Variants in IGSF9 observed in about 807,000 individuals in gnomAD.
IGSF9 encodes immunoglobulin superfamily member 9.
Under a neutral mutation model 121.7 loss-of-function variants are expected in IGSF9, and 87 were observed. That is an observed-to-expected ratio of 0.71 (90% confidence interval 0.60 to 0.85). The LOEUF is 0.85. Among genes scored for constraint, IGSF9 ranks in the 40% least tolerant of loss-of-function variants. The pLI, the probability that IGSF9 is intolerant of heterozygous loss-of-function variation, is 0.00. For missense variants in IGSF9, 1,462 were observed against 1,565.3 expected (o/e 0.93, Z 1.11); for synonymous variants, 640 against 648.4 (o/e 0.99, Z 0.20).
chr1:159,930,421 G>T lies in IGSF9; in HGVS notation c.1832C>A (p.Ala611Asp). Residue 611 changes from alanine (A) to aspartate (D), a missense_variant, in exon 15 of 21, where the codon GCT (alanine) becomes GAT (aspartate). Transcript: ENST00000368094. ...SAPEGLPTTP[A>D]APGLPPTEIP... is the part of the protein sequence containing the mutation. ...CTCTGTTGGGGGAAGCCCGGGTGCA[G>T]CTGGCGTGGTAGGAAGCCCTGCGTG... The T allele has an allele frequency of 6.5e-7, 1 of 1,542,750 alleles. No homozygotes were observed.
At position 159,934,001 on chromosome 1, in the gene IGSF9, A is replaced by G. The variant is rs775799023; in HGVS notation, c.1104+189T>C. 9 of 652,108 alleles carry G rather than the reference A, an allele frequency of 1.4e-5. No homozygotes were observed. In the Admixed American group the frequency reaches 1.5e-4, roughly 11 times the overall value. The allele number at this position is 652,108 out of a possible 1,614,324, so 40.4% of individuals were successfully genotyped here. Reference sequence around the variant, plus strand: ...AGAAGACACAAAACCACCACTTTAAACCATGGAAATTTTTCCTCAGGGGTT... The same window carrying G: ...AGAAGACACAAAACCACCACTTTAAGCCATGGAAATTTTTCCTCAGGGGTT... On this transcript the variant is annotated intron_variant, in intron 9 of 20. Transcript: ENST00000368094.
At position 159,929,643 on chromosome 1, in the gene IGSF9, C is replaced by T. The variant is rs929343194; in HGVS notation, c.2321G>A (p.Arg774His). The change falls in exon 17 of 21, where the codon CGC becomes CAC. Residue 774 changes from arginine (R) to histidine (H), a missense_variant. Arg to His is a conservative substitution (Grantham distance 29). Transcript: ENST00000368094. ...CTGAGGGTGGAGGGACTTACCTTGG[C>T]GGAGGCGCTTGCGGCGGCGGCGGGC... is the stretch of plus-strand genomic sequence containing the variant. ...RAARRRRKRL[R>H]QDPPLIFSPT... is the part of the protein sequence containing the mutation. 1.9e-5 allele frequency: 31 copies of T among 1,594,226 alleles called. No individual in the cohort carries two copies. Among genetic ancestry groups the T allele is most frequent in the Non-Finnish European group, 2.6e-5 (30 of 1,171,712 alleles).
chr1:159,927,725 G>A (rs376658174), intron 20 of IGSF9, 35 bp downstream of exon 20: 5 of 1,606,504 alleles, frequency 3.1e-6, no homozygotes, highest in Non-Finnish European at 4.2e-6. Context: ...GGACAGTATG[G>A]CCGAGATGCC....
Position 159,932,751 on chromosome 1 carries a change from T to G in IGSF9, c.1105-99A>C. ...GGGGGCAGGATGAGAAACCCACAGC[T>G]GTGCAGAAGACTCCAGCAGCTCCAT... On this transcript the variant is annotated intron_variant, in intron 9 of 20. Coordinates refer to ENST00000368094, the MANE Select transcript of IGSF9 (RefSeq NM_001135050.2). This position sits in a 1 kb window ranked among gnomAD's most constrained non-coding sequence, Gnocchi z 4.1. The G allele has an allele frequency of 8.3e-7, 1 of 1,204,938 alleles. No homozygotes were observed. The highest frequency in any genetic ancestry group is 1.1e-6 in the Non-Finnish European group (1 of 871,532). The allele number at this position is 1,204,938 out of a possible 1,614,324, so 74.6% of individuals were successfully genotyped here.
rs1651026240 is a variant in IGSF9 at position 159,932,269 on chromosome 1, T to A, written c.1245+243A>T. The stretch of plus-strand genomic sequence containing the variant: ...CAGCACGGTCAAGGTTAGTGAGAGT[T>A]GGGGCAAACAGGATATCTTACTTCT... On this transcript the variant is annotated intron_variant, in intron 10 of 20. Coordinates refer to ENST00000368094, the MANE Select transcript of IGSF9 (RefSeq NM_001135050.2). This position sits in a 1 kb window ranked among gnomAD's most constrained non-coding sequence, Gnocchi z 4.1. 1 of 587,146 alleles carries A rather than the reference T, an allele frequency of 1.7e-6. No homozygotes were observed. The highest frequency in any genetic ancestry group is 1.9e-5 in the African/African-American group (1 of 53,154). 36.4% of individuals were successfully genotyped at this position (587,146 alleles called of 1,614,324 possible).
chr1:159,928,533 G>A lies in IGSF9; in HGVS notation c.2855C>T (p.Pro952Leu). 1 of 1,557,728 alleles carries A rather than the reference G, an allele frequency of 6.4e-7. No homozygotes were observed. Among genetic ancestry groups the A allele is most frequent in the Non-Finnish European group, 8.7e-7 (1 of 1,150,242 alleles). ...PPLEEPSPAAPPDYMDTRRCP... is the reference protein window; with the variant it reads ...PPLEEPSPAALPDYMDTRRCP... Reference sequence around the variant, plus strand: ...GCGCCGGGTATCCATGTAATCTGGGGGTGCAGCAGGGCTGGGCTCCTCAAG... The same window carrying A: ...GCGCCGGGTATCCATGTAATCTGGGAGTGCAGCAGGGCTGGGCTCCTCAAG... Residue 952 changes from proline (P) to leucine (L), a missense_variant, in exon 19 of 21, where the codon CCC (proline) becomes CTC (leucine). By Grantham distance (98) the Pro-to-Leu change is moderately conservative (BLOSUM62 -3). Transcript: ENST00000368094.
Position 159,931,326 on chromosome 1 carries a change from C to T in IGSF9, c.1514-65G>A. On this transcript the variant is annotated intron_variant, in intron 12 of 20. Transcript: ENST00000368094. This position sits in a 1 kb window ranked among gnomAD's most constrained non-coding sequence, Gnocchi z 4.8. ...AGGGAGTGTACAGAGTAGCAGGGGCCCCAGGGCCACTGACCTTCACCCATC... is the reference window on the plus strand; with the variant it reads ...AGGGAGTGTACAGAGTAGCAGGGGCTCCAGGGCCACTGACCTTCACCCATC... 5 of 1,606,732 alleles carry T rather than the reference C, an allele frequency of 3.1e-6. No homozygotes were observed. Among genetic ancestry groups the T allele is most frequent in the Admixed American group, 1.7e-5 (1 of 59,612 alleles).
At position 159,936,868 on chromosome 1, in the gene IGSF9, T is replaced by C. The variant is rs781127163; in HGVS notation, c.441A>G (p.Glu147=). Residue 147 remains glutamate, a synonymous_variant, in exon 5 of 21, where the codon GAA becomes GAG. Transcript: ENST00000368094. ...QFQETPPAVL[E]VQELEPVTLR... is the part of the protein sequence containing the mutation. ...GGGTCACAGGCTCCAGTTCCTGCACTTCCAACACAGCAGGAGGTGTCTCCT... is the reference window on the plus strand; with the variant it reads ...GGGTCACAGGCTCCAGTTCCTGCACCTCCAACACAGCAGGAGGTGTCTCCT... The C allele has an allele frequency of 6.2e-7, 1 of 1,614,230 alleles. No homozygotes were observed. The highest frequency in any genetic ancestry group is 1.1e-5 in the South Asian group (1 of 91,088).
chr1:159,928,897 G>C lies in IGSF9; in HGVS notation c.2491C>G (p.Pro831Ala), dbSNP rs1389292749. Residue 831 changes from proline to alanine, a missense_variant, in exon 19 of 21, where the codon CCG becomes GCG. Pro to Ala is a conservative substitution (Grantham distance 27, BLOSUM62 -1). Coordinates refer to ENST00000368094, the MANE Select transcript of IGSF9 (RefSeq NM_001135050.2). The part of the protein sequence containing the change: ...GDPAGTPSPH[P>A]DPPSSRGPLP... ...GGTCCCCGGCTAGATGGAGGATCCG[G>C]GTGGGGGCTGGGAGTTCCGGCAGGA... 2 of 1,594,800 alleles carry C rather than the reference G, an allele frequency of 1.3e-6. No individual in the cohort carries two copies. Among genetic ancestry groups the C allele is most frequent in the Non-Finnish European group, 1.7e-6 (2 of 1,171,274 alleles).
intron 3 of IGSF9, among the ~76,000 whole-genome samples, chr1:159,942,417 A>G (rs1320570): frequency 0.89 from 135,128 of 152,148 alleles, 61,498 homozygotes; most frequent in East Asian, 1. Flanking sequence ...TCAGAAGCAG[A>G]CTGAGTGTCC....
intron 6 of IGSF9, 88 bp from the exon 7 acceptor site, chr1:159,934,910 G>A: frequency 6.7e-7 from 1 of 1,502,176 alleles, no homozygotes; most frequent in Non-Finnish European, 9.1e-7. Context: ...TCCCAGCTCT[G>A]CTCTCTGGAA....
chr1:159,931,912 A>G lies in IGSF9; in HGVS notation c.1262T>C (p.Ile421Thr), dbSNP rs760171676. ...GAAATATTCTTCCTTGGGCCGCTCTATAAAAGCTGGGGGAGCCTGCAAGCC... is the reference window on the plus strand; with the variant it reads ...GAAATATTCTTCCTTGGGCCGCTCTGTAAAAGCTGGGGGAGCCTGCAAGCC... ...RVLLKAPPAF[I>T]ERPKEEYFQE... The change falls in exon 11 of 21, where the codon ATA becomes ACA. Residue 421 changes from isoleucine (I) to threonine (T), a missense_variant. Physicochemically the swap from Ile to Thr is moderately conservative, Grantham distance 89. This residue lies in a region of IGSF9 where 558 missense variants were observed against 599.4 expected (regional missense o/e 0.93). Coordinates refer to ENST00000368094, the MANE Select transcript of IGSF9 (RefSeq NM_001135050.2). This position sits in a 1 kb window ranked among gnomAD's most constrained non-coding sequence, Gnocchi z 4.8. 3.1e-6 allele frequency: 5 copies of G among 1,593,766 alleles called. No homozygotes were observed. Among genetic ancestry groups the G allele is most frequent in the African/African-American group, 2.7e-5 (2 of 73,438 alleles).
In IGSF9 at chr1:159,928,254, C is replaced by A. The variant is rs1335022748; in HGVS notation, c.3134G>T (p.Gly1045Val). The A allele has an allele frequency of 2.5e-6, 4 of 1,613,218 alleles. No individual in the cohort carries two copies. In the East Asian group the frequency reaches 8.9e-5, roughly 36 times the overall value. The change falls in exon 19 of 21, where the codon GGC becomes GTC. Residue 1045 changes from glycine to valine, a missense_variant. Gly to Val is a moderately radical substitution (Grantham distance 109). Transcript: ENST00000368094. ...TCCTGGAGCAGGGCTGAGGTAGCTGCCTCCTGCAGAGGGGGCTGTGGAGGG... is the reference window on the plus strand; with the variant it reads ...TCCTGGAGCAGGGCTGAGGTAGCTGACTCCTGCAGAGGGGGCTGTGGAGGG... ...RPPSTAPSAG[G>V]SYLSPAPGDT...
Position 159,934,929 on chromosome 1 carries a change from C to G in IGSF9, c.674-107G>C, listed in dbSNP as rs1293785961. On this transcript the variant is annotated intron_variant, in intron 6 of 20. Transcript: ENST00000368094. ...AGCTCTGCTCTCTGGAATCTTAGGG[C>G]TCGTTGTTACAGGGCTTTGGGGAGT... The G allele has an allele frequency of 3.7e-6, 5 of 1,341,938 alleles. No individual in the cohort carries two copies. The Admixed American group carries it at 1.0e-4, about 28-fold the overall frequency. The allele number at this position is 1,341,938 out of a possible 1,614,324, so 83.1% of individuals were successfully genotyped here.
intron 9 of IGSF9, chr1:159,933,134 G>A: frequency 6.4e-6 from 1 of 155,106 alleles, no homozygotes; most frequent in Non-Finnish European, 1.4e-5. Context: ...CCTTTTGTCA[G>A]AGCATGAGCC....
rs749789931 is a variant in IGSF9, at chr1:159,928,967, C to G, written c.2421G>C (p.Gln807His). ...SPDSVAKLKLQGSPVPSLRQS... is the reference protein window; with the variant it reads ...SPDSVAKLKLHGSPVPSLRQS... ...GGCGCAGGCTGGGGACTGGGGATCCCTGGAGCTTCAGCTTCGCCACGCTGT... is the reference window on the plus strand; with the variant it reads ...GGCGCAGGCTGGGGACTGGGGATCCGTGGAGCTTCAGCTTCGCCACGCTGT... Residue 807 changes from glutamine (Q) to histidine (H), a missense_variant, in exon 19 of 21, where the codon CAG becomes CAC. Physicochemically the swap from Gln to His is conservative, Grantham distance 24 (BLOSUM62 0). Around this residue, in one of 3 missense-constraint regions of IGSF9, gnomAD observed 808 missense variants for 815.2 expected, o/e 0.99. Transcript: ENST00000368094. 7.2e-6 allele frequency: 11 copies of G among 1,521,684 alleles called. No individual in the cohort carries two copies. The African/African-American group carries it at 1.4e-4, about 19-fold the overall frequency. The allele number at this position is 1,521,684 out of a possible 1,614,324, so 94.3% of individuals were successfully genotyped here. A position where few individuals can be genotyped will look rare whatever the true frequency, so the allele number is the denominator to read the frequency against.
chr1:159,944,022 G>C (rs4297288), intron 1 of IGSF9, among the ~76,000 whole-genome samples: 135,877 of 152,128 alleles, frequency 0.89, 61,159 homozygotes, highest in East Asian at 1. Flanking sequence ...CATGGCCTAG[G>C]CTGCTCTCGC....
chr1:159,929,896 G>A lies in IGSF9; in HGVS notation c.2144C>T (p.Thr715Ile). ...SDPSNTANVS[T>I]SGLEVYPSRT... ...CCCTCACGCCAGGTGCTCACCGGAA[G>A]TGGAGACGTTGGCCGTGTTGCTGGG... Residue 715 changes from threonine (T) to isoleucine (I), a missense_variant, in exon 16 of 21, where the codon ACT (threonine) becomes ATT (isoleucine). Transcript: ENST00000368094. 1.3e-6 allele frequency: 2 copies of A among 1,575,776 alleles called. No individual in the cohort carries two copies. Among genetic ancestry groups the A allele is most frequent in the Non-Finnish European group, 1.7e-6 (2 of 1,161,360 alleles).
intron 18 of IGSF9, 106 bp downstream of exon 18, chr1:159,929,244 TC>T: frequency 6.9e-7 from 1 of 1,449,436 alleles, no homozygotes; most frequent in Admixed American, 1.7e-5. Context: ...CTTTTGTTCC[TC>T]CCCAACACCC....
Sources: gnomAD v4.1 joint callset for allele counts (sites outside exome capture counted in the v4.1 genomes callset) on GRCh38, gnomAD v4.1.1 for gene constraint, gnomAD v4.1.1 regional missense constraint, Gnocchi (gnomAD v3.1) non-coding constraint, MANE v1.5 for transcripts, NCBI Gene and HGNC (gene_info 2026-07-23, HGNC 2026-07-21) for gene names.